SALL4: variants seen among roughly 807,000 people sequenced by gnomAD.
SALL4 encodes the protein spalt like transcription factor 4.
Under a neutral mutation model 60.8 loss-of-function variants are expected in SALL4, and 4 were observed. The observed-to-expected ratio is 0.07, with a 90% CI of 0.03 to 0.15. The LOEUF (loss-of-function observed/expected upper bound fraction) is 0.15. Ranked by LOEUF, SALL4 falls within the 10% of genes least tolerant of loss-of-function variation. The pLI is 1.00. For missense variants in SALL4, 1,178 were observed against 1,394.7 expected, an observed-to-expected ratio of 0.84 and a Z score of 2.48; for synonymous variants, 580 against 574.9, an observed-to-expected ratio of 1.01 and a Z score of -0.13.
rs370485562 is a variant in SALL4, at chr20:51,790,369, G to C, written c.2114C>G (p.Ser705Cys). 35 of 1,614,016 alleles carry C rather than the reference G, an allele frequency of 2.2e-5. No homozygotes were observed. The highest frequency in any genetic ancestry group is 2.9e-5 in the Non-Finnish European group (34 of 1,180,036). The part of the protein sequence containing the change: ...EVSSQEAPSS[S>C]SKVPTPLPSI... ...GGGAAGAGGCGTGGGGACCTTGGAG[G>C]AGCTGCTGGGAGCCTCCTGGGAGCT... Residue 705 changes from serine (S) to cysteine (C), a missense_variant, in exon 2 of 4, where the codon TCC (serine) becomes TGC (cysteine). Ser to Cys is a moderately radical substitution (Grantham distance 112, BLOSUM62 -1). This residue lies in a region of SALL4 where 853 missense variants were observed against 1,036.8 expected (regional missense o/e 0.82). Coordinates refer to ENST00000217086, the MANE Select transcript of SALL4 (RefSeq NM_020436.5). This position sits in a 1 kb window ranked among gnomAD's most constrained non-coding sequence, Gnocchi z 5.5.
At chr20:51,789,814 T>A (rs1263231873) in intron 2 of SALL4, among the ~76,000 whole-genome samples, 1 of 152,242 alleles carries the variant, frequency 6.6e-6, no homozygotes, top group East Asian at 1.9e-4. Context: ...CATACCCATT[T>A]TGCATTAACC....
intron 1 of SALL4, among the ~76,000 whole-genome samples, chr20:51,793,767 T>C (rs1023510930): frequency 1.3e-5 from 2 of 152,152 alleles, no homozygotes; most frequent in African/African-American, 2.4e-5. Context: ...CACCCACGGG[T>C]TTCCAGGAGG....
chr20:51,802,061 A>G (rs2078113489), intron 1 of SALL4, among the ~76,000 whole-genome samples: 1 of 151,416 alleles, frequency 6.6e-6, no homozygotes, highest in Non-Finnish European at 1.5e-5. Flanking sequence ...TGGGGGTGAA[A>G]CTTACACAAG....
In SALL4 at chr20:51,799,943, T is replaced by C. The variant is rs117986061; in HGVS notation, c.130+2336A>G. 6.0e-3 allele frequency among the ~76,000 whole-genome samples: 915 copies of C among 152,290 alleles called. 6 individuals carry two copies. The highest frequency in any genetic ancestry group is 0.029 in the South Asian group (142 of 4,822). On this transcript the variant is annotated intron_variant, in intron 1 of 3. Transcript: ENST00000217086. The stretch of plus-strand genomic sequence containing the variant: ...ATTCTAAAAAATTATGTGAGACATA[T>C]ACATACATCTAAGTTAGATATGTAT...
Position 51,790,107 on chromosome 20 carries a change from A to G in SALL4, c.2376T>C (p.Asn792=), listed in dbSNP as rs143601538. The G allele has an allele frequency of 2.2e-4, 351 of 1,614,082 alleles. 2 individuals are homozygous for G. The African/African-American group carries it at 3.9e-3, about 18-fold the overall frequency. The change falls in exon 2 of 4, where the codon AAT becomes AAC. Residue 792 remains asparagine (N), a synonymous_variant. Transcript: ENST00000217086. This position sits in a 1 kb window ranked among gnomAD's most constrained non-coding sequence, Gnocchi z 5.5. ...TTGACTTGATGCTTTCGGCTTGACT[A>G]TTGGCCGGGGAGAGTGCCTGGAAGG... ...TTSFQALSPA[N]SQAESIKSKS...
chr20:51,788,939 G>T lies in SALL4; in HGVS notation c.2664C>A (p.His888Gln). ...GCTTCTCTCCAGTGTGAGTCCGCTC[G>T]TGGATCTGAAGAGCGCTAGCAGACG... is the stretch of plus-strand genomic sequence containing the variant. ...NFSSASALQI[H>Q]ERTHTGEKPF... Residue 888 changes from histidine (H) to glutamine (Q), a missense_variant, in exon 3 of 4, where the codon CAC becomes CAA. Transcript: ENST00000217086. This position sits in a 1 kb window ranked among gnomAD's most constrained non-coding sequence, Gnocchi z 4.1. 6.2e-7 allele frequency: 1 copy of T among 1,614,214 alleles called. No homozygotes were observed. The highest frequency in any genetic ancestry group is 8.5e-7 in the Non-Finnish European group (1 of 1,180,038).
In SALL4 at chr20:51,792,337, TG is replaced by T; in HGVS notation, c.145del (p.His49ThrfsTer15). 6.2e-7 allele frequency: 1 copy of T among 1,603,812 alleles called. No individual in the cohort carries two copies. Among genetic ancestry groups the T allele is most frequent in the Non-Finnish European group, 8.5e-7 (1 of 1,179,958 alleles). On this transcript the variant is annotated frameshift_variant, in exon 2 of 4. Transcript: ENST00000217086. LOFTEE classifies it high-confidence loss of function. ...ACTCGCCACCTCGTCATTCCCTGGG[TG>T]GTTCACTGGAGCACCTGTAACAAGA... ...AAGELGAPVN[H>X]PGNDEVASED...
Position 51,792,155 on chromosome 20 carries a change from C to T in SALL4, c.328G>A (p.Val110Met), listed in dbSNP as rs141750452. The T allele has an allele frequency of 1.6e-4, 266 of 1,614,072 alleles. No individual in the cohort carries two copies. The highest frequency in any genetic ancestry group is 2.2e-4 in the Non-Finnish European group (259 of 1,180,040). Residue 110 changes from valine to methionine, a missense_variant, in exon 2 of 4, where the codon GTG becomes ATG. This residue lies in a region of SALL4 where 853 missense variants were observed against 1,036.8 expected (regional missense o/e 0.82). Coordinates refer to ENST00000217086, the MANE Select transcript of SALL4 (RefSeq NM_020436.5). ...GCTCCGGAGAAGTCTTCTGAAGGCACAGGCCCCTCGCTGTCATTCATGATG... is the reference window on the plus strand; with the variant it reads ...GCTCCGGAGAAGTCTTCTGAAGGCATAGGCCCCTCGCTGTCATTCATGATG... ...VLIMNDSEGP[V>M]PSEDFSGAVL...
chr20:51,789,380 AAC>A (rs1476599129), intron 2 of SALL4, among the ~76,000 whole-genome samples: 1 of 152,116 alleles, frequency 6.6e-6, no homozygotes, highest in Non-Finnish European at 1.5e-5. Context: ...GCAACATATA[AAC>A]ACATATGTAA....
chr20:51,794,416 G>A lies in SALL4; in HGVS notation c.131-2064C>T, dbSNP rs138089527. On this transcript the variant is annotated intron_variant, in intron 1 of 3. Coordinates refer to ENST00000217086, the MANE Select transcript of SALL4 (RefSeq NM_020436.5). ...TAAAACTATAAACTTAGCCCAGCGT[G>A]GTGGCGCATGCCTAATCCCAGCTAC... 2.0e-3 allele frequency among the ~76,000 whole-genome samples: 312 copies of A among 152,250 alleles called. 2 individuals are homozygous for A. The highest frequency in any genetic ancestry group is 7.4e-3 in the African/African-American group (306 of 41,544).
At chr20:51,793,510 G>A (rs2078062307) in intron 1 of SALL4, among the ~76,000 whole-genome samples, 1 of 152,168 alleles carries the variant, frequency 6.6e-6, no homozygotes, top group Admixed American at 6.5e-5. Context: ...GGGCTGGAGT[G>A]CAGTGGCCCA....
At chr20:51,794,462 A>C (rs2078068389) in intron 1 of SALL4, among the ~76,000 whole-genome samples, 1 of 152,164 alleles carries the variant, frequency 6.6e-6, no homozygotes, top group South Asian at 2.1e-4. Flanking sequence ...GAGGCAGGAG[A>C]ATCACTTGAA....
rs769292363 is a variant in SALL4 at position 51,788,953 on chromosome 20, C to T, written c.2650G>A (p.Ala884Thr). ...RCGKNFSSASALQIHERTHTG... is the reference protein window; with the variant it reads ...RCGKNFSSASTLQIHERTHTG... ...TGAGTCCGCTCGTGGATCTGAAGAG[C>T]GCTAGCAGACGAGAAGTTCTTCCCA... Residue 884 changes from alanine to threonine, a missense_variant, in exon 3 of 4, where the codon GCT (alanine) becomes ACT (threonine). By Grantham distance (58) the Ala-to-Thr change is moderately conservative. Transcript: ENST00000217086. The surrounding 1 kb of genome is among the most constrained non-coding windows in gnomAD (Gnocchi z 4.1). The T allele has an allele frequency of 1.9e-6, 3 of 1,614,190 alleles. No individual in the cohort carries two copies. Among genetic ancestry groups the T allele is most frequent in the East Asian group, 2.2e-5 (1 of 44,872 alleles).
In SALL4 at chr20:51,802,434, A is replaced by T; in HGVS notation, c.-26T>A. The T allele has an allele frequency of 2.5e-6, 4 of 1,612,448 alleles. No homozygotes were observed. Among genetic ancestry groups the T allele is most frequent in the Non-Finnish European group, 2.5e-6 (3 of 1,179,858 alleles). ...GGTGCGAGCATCGGGGCGCCGGGAG[A>T]GCCGCAGTTATTTGCCCTCTCCGCC... On this transcript the variant is annotated 5_prime_UTR_variant, in exon 1 of 4. Transcript: ENST00000217086.
chr20:51,788,730 A>G lies in SALL4; in HGVS notation c.2742+131T>C. On this transcript the variant is annotated intron_variant, in intron 3 of 3. Transcript: ENST00000217086. This position sits in a 1 kb window ranked among gnomAD's most constrained non-coding sequence, Gnocchi z 4.1. ...AATAAATAAATAAACAAACTCCTGG[A>G]CTCAAGCAATCCTCCCACCTCGGCC... 9.2e-7 allele frequency: 1 copy of G among 1,084,906 alleles called. No individual in the cohort carries two copies. The highest frequency in any genetic ancestry group is 1.4e-6 in the Non-Finnish European group (1 of 718,116). 67.2% of individuals were successfully genotyped at this position (1,084,906 alleles called of 1,614,324 possible).
At chr20:51,802,155 C>G (rs1394266657) in intron 1 of SALL4, 124 bp downstream of exon 1, 1 of 1,191,008 alleles carries the variant, frequency 8.4e-7, no homozygotes, top group Non-Finnish European at 1.1e-6. Flanking sequence ...GGGCACTGAG[C>G]CCCCAAATCT....
intron 3 of SALL4, among the ~76,000 whole-genome samples, chr20:51,787,229 G>A (rs1017521761): frequency 2.0e-5 from 3 of 151,978 alleles, no homozygotes; most frequent in Non-Finnish European, 2.9e-5. Context: ...CGAGATCAGC[G>A]TGGCCAACAT....
At chr20:51,786,309 T>G (rs1601164263) in intron 3 of SALL4, among the ~76,000 whole-genome samples, 1 of 152,068 alleles carries the variant, frequency 6.6e-6, no homozygotes, top group Non-Finnish European at 1.5e-5. Flanking sequence ...TTAGCCAGGA[T>G]GGTCAGGATC....
chr20:51,790,618 A>G lies in SALL4; in HGVS notation c.1865T>C (p.Ile622Thr), dbSNP rs1347655542. 3.1e-6 allele frequency: 5 copies of G among 1,614,084 alleles called. No individual in the cohort carries two copies. Among genetic ancestry groups the G allele is most frequent in the Non-Finnish European group, 3.4e-6 (4 of 1,180,032 alleles). The change falls in exon 2 of 4, where the codon ATT (isoleucine) becomes ACT (threonine). Residue 622 changes from isoleucine to threonine, a missense_variant. This residue lies in a region of SALL4 where 853 missense variants were observed against 1,036.8 expected (regional missense o/e 0.82). Coordinates refer to ENST00000217086, the MANE Select transcript of SALL4 (RefSeq NM_020436.5). This position sits in a 1 kb window ranked among gnomAD's most constrained non-coding sequence, Gnocchi z 5.5. ...HLGVHRTNTS[I>T]KTQHSCPICQ... ...GATGGGGCACGAATGCTGCGTCTTA[A>G]TGGATGTGTTGGTTCGGTGAACCCC...
Sources: allele counts gnomAD v4.1 joint callset (sites outside exome capture counted in the v4.1 genomes callset), GRCh38; gene constraint gnomAD v4.1.1; regional missense constraint gnomAD v4.1.1; non-coding constraint Gnocchi (gnomAD v3.1); transcripts MANE v1.5; gene names NCBI Gene and HGNC (gene_info 2026-07-23, HGNC 2026-07-21).